MRPL1: variants seen among roughly 807,000 people sequenced by gnomAD.
MRPL1 encodes mitochondrial ribosomal protein L1.
Under a neutral mutation model 38.0 loss-of-function variants are expected in MRPL1, and 28 were observed. The observed-to-expected ratio is 0.74, with a 90% confidence interval of 0.55 to 1.01. The LOEUF (loss-of-function observed/expected upper bound fraction) is 1.01, where lower values mean the gene tolerates loss of function less well. Among genes scored for constraint, MRPL1 ranks in the 50% least tolerant of loss-of-function variants. The pLI is 0.00. For missense variants in MRPL1, 358 were observed against 389.8 expected (o/e 0.92, Z 0.69); for synonymous variants, 123 against 126.7 (o/e 0.97, Z 0.20).
rs183059643 is a variant in MRPL1, at chr4:77,913,014, C to G, written c.777+3642C>G. 1.8e-4 allele frequency among the ~76,000 whole-genome samples: 28 copies of G among 152,034 alleles called. 1 individual carries two copies. The highest frequency in any genetic ancestry group is 6.8e-3 in the Middle Eastern group (2 of 294). On this transcript the variant is annotated intron_variant, in intron 7 of 8. Coordinates refer to ENST00000315567, the MANE Select transcript of MRPL1 (RefSeq NM_020236.4). Reference sequence around the variant, plus strand: ...TATATGTCATAAAATGAAATTCAACCAATACTTCAAGACATATATAATAAT... The same window carrying G: ...TATATGTCATAAAATGAAATTCAACGAATACTTCAAGACATATATAATAAT...
chr4:77,882,681 A>G (rs1214447290), intron 2 of MRPL1, among the ~76,000 whole-genome samples: 1 of 152,172 alleles, frequency 6.6e-6, no homozygotes, highest in East Asian at 1.9e-4. Context: ...TTAATTGTTG[A>G]TTAATATTCC....
At chr4:77,889,987 A>G (rs1335549232) in intron 5 of MRPL1, among the ~76,000 whole-genome samples, 2 of 152,216 alleles carry the variant, frequency 1.3e-5, no homozygotes, top group African/African-American at 4.8e-5. Flanking sequence ...GGCAATAATT[A>G]ATAGCCTATC....
chr4:77,932,809 T>G (rs1484801571), intron 7 of MRPL1, among the ~76,000 whole-genome samples: 1 of 151,852 alleles, frequency 6.6e-6, no homozygotes, highest in East Asian at 1.9e-4. Context: ...ATCCTGAACC[T>G]CCCACCCCCA....
At position 77,949,878 on chromosome 4, in the gene MRPL1, G is replaced by T; in HGVS notation, c.859G>T (p.Gly287Cys). 4.4e-6 allele frequency: 7 copies of T among 1,602,898 alleles called. No individual in the cohort carries two copies. In the South Asian group the frequency reaches 7.8e-5, roughly 18 times the overall value. ...EVCRHRPLNL[G>C]PFVVRAFLRS... ...TTGTAGGCACAGACCGCTGAATTTGGGTAAGTGGTTTGCTGAGGGTAGACT... is the reference window on the plus strand; with the variant it reads ...TTGTAGGCACAGACCGCTGAATTTGTGTAAGTGGTTTGCTGAGGGTAGACT... Residue 287 changes from glycine (G) to cysteine (C), a missense_variant and splice_region_variant, in exon 8 of 9, where the codon GGT (glycine) becomes TGT (cysteine). Coordinates refer to ENST00000315567, the MANE Select transcript of MRPL1 (RefSeq NM_020236.4).
intron 6 of MRPL1, among the ~76,000 whole-genome samples, chr4:77,907,591 G>A (rs1276946357): frequency 2.1e-5 from 3 of 146,050 alleles, no homozygotes; most frequent in Non-Finnish European, 4.5e-5. Flanking sequence ...TCTTGATGGA[G>A]TCTTCCTTTG....
chr4:77,928,067 G>A (rs1223856232), intron 7 of MRPL1, among the ~76,000 whole-genome samples: 1 of 152,128 alleles, frequency 6.6e-6, no homozygotes, highest in Non-Finnish European at 1.5e-5. Flanking sequence ...TCCAATTATA[G>A]GTGAGTATCA....
At chr4:77,888,103 A>G (rs1310986736) in intron 5 of MRPL1, among the ~76,000 whole-genome samples, 2 of 152,112 alleles carry the variant, frequency 1.3e-5, no homozygotes, top group South Asian at 2.1e-4. Context: ...TCTGCCCTCT[A>G]TAATGTTGGT....
At chr4:77,889,285 C>T (rs183428189) in intron 5 of MRPL1, among the ~76,000 whole-genome samples, 40 of 152,362 alleles carry the variant, frequency 2.6e-4, no homozygotes, top group Middle Eastern at 3.4e-3. Context: ...AACTGTCTCT[C>T]AGACCACAGT....
At chr4:77,937,647 C>T (rs1363110209) in intron 7 of MRPL1, among the ~76,000 whole-genome samples, 1 of 152,184 alleles carries the variant, frequency 6.6e-6, no homozygotes, top group African/African-American at 2.4e-5. Context: ...CCTCACTTGG[C>T]TTCTGCTGCC....
intron 7 of MRPL1, among the ~76,000 whole-genome samples, chr4:77,914,727 G>GTGTT (rs138553129): frequency 0.15 from 22,990 of 151,966 alleles, 1,976 homozygotes; most frequent in South Asian, 0.25. Context: ...GTGTGTGTGT[G>GTGTT]TGTCTGTAGC....
chr4:77,943,228 G>A (rs1175533428), intron 7 of MRPL1, among the ~76,000 whole-genome samples: 1 of 151,940 alleles, frequency 6.6e-6, no homozygotes, highest in Admixed American at 6.6e-5. Context: ...TAGCTTGTAG[G>A]GTTTCTGTGG....
At chr4:77,881,497 G>A in intron 2 of MRPL1, among the ~76,000 whole-genome samples, 1 of 144,716 alleles carries the variant, frequency 6.9e-6, no homozygotes, top group East Asian at 2.0e-4. Context: ...TACCTGGAGT[G>A]CACTGACATA....
chr4:77,883,274 A>G lies in MRPL1; in HGVS notation c.176A>G (p.Glu59Gly), dbSNP rs768393881. The change falls in exon 3 of 9, where the codon GAA becomes GGA. Residue 59 changes from glutamate (E) to glycine (G), a missense_variant. Transcript: ENST00000315567. The part of the protein sequence containing the change: ...SAKKTKKGAK[E>G]KTPDEKKDEI... ...AAGAAAACAAAAAAAGGTGCTAAAG[A>G]AAAAACACCAGATGAGAAAAAAGAT... is the stretch of plus-strand genomic sequence containing the variant. 1 of 1,589,480 alleles carries G rather than the reference A, an allele frequency of 6.3e-7. No homozygotes were observed.
intron 7 of MRPL1, among the ~76,000 whole-genome samples, chr4:77,938,659 C>G (rs567439385): frequency 1.3e-5 from 2 of 152,126 alleles, no homozygotes; most frequent in Non-Finnish European, 2.9e-5. Context: ...CTGTTCTTGA[C>G]AAATCAGGAG....
intron 7 of MRPL1, among the ~76,000 whole-genome samples, chr4:77,916,540 T>C (rs1224696865): frequency 6.6e-6 from 1 of 152,204 alleles, no homozygotes; most frequent in Non-Finnish European, 1.5e-5. Context: ...GGCACCCTTA[T>C]AAAATTCATT....
chr4:77,898,254 C>G (rs576851025), intron 6 of MRPL1, among the ~76,000 whole-genome samples: 6 of 152,142 alleles, frequency 3.9e-5, no homozygotes, highest in African/African-American at 1.4e-4. Flanking sequence ...TCACTCTTAG[C>G]ATCTTTTTTT....
At chr4:77,917,628 A>T (rs961372586) in intron 7 of MRPL1, among the ~76,000 whole-genome samples, 1 of 152,208 alleles carries the variant, frequency 6.6e-6, no homozygotes, top group African/African-American at 2.4e-5. Flanking sequence ...ATGTAAAAAT[A>T]CTGGCTCTGA....
At chr4:77,892,127 CTTT>C (rs34043885) in intron 5 of MRPL1, among the ~76,000 whole-genome samples, 1 of 145,006 alleles carries the variant, frequency 6.9e-6, no homozygotes, top group Non-Finnish European at 1.5e-5. Flanking sequence ...GTAGTCATTT[CTTT>C]TTTTTTTTTT....
At chr4:77,888,859 C>T (rs1171525463) in intron 5 of MRPL1, among the ~76,000 whole-genome samples, 1 of 152,096 alleles carries the variant, frequency 6.6e-6, no homozygotes, top group East Asian at 1.9e-4. Flanking sequence ...CTATCCCTCC[C>T]CCGTCCCCTA....
Sources: allele counts gnomAD v4.1 joint callset (sites outside exome capture counted in the v4.1 genomes callset), GRCh38; gene constraint gnomAD v4.1.1; transcripts MANE v1.5; gene names NCBI Gene and HGNC (gene_info 2026-07-23, HGNC 2026-07-21).